Variants in OTUD7A observed in about 807,000 individuals in gnomAD.
OTUD7A encodes the protein OTU deubiquitinase 7A.
In OTUD7A, 12 loss-of-function variants were observed where a neutral mutation model predicts 65.7. The observed-to-expected ratio is 0.18, with a 90% CI of 0.12 to 0.30. The LOEUF is 0.30. OTUD7A is among the 10% of genes least tolerant of loss of function. OTUD7A has a pLI of 1.00. For missense variants in OTUD7A, 1,148 were observed against 1,304.8 expected, an observed-to-expected ratio of 0.88 and a Z score of 1.85; for synonymous variants, 641 against 586.3, an observed-to-expected ratio of 1.09 and a Z score of -1.35.
At chr15:31,691,409 A>G (rs1892959976) in intron 1 of OTUD7A, among the ~76,000 whole-genome samples, 1 of 152,192 alleles carries the variant, frequency 6.6e-6, no homozygotes, top group South Asian at 2.1e-4. Context: ...ATGGAACAGA[A>G]CAGAGAACCC....
At position 31,737,785 on chromosome 15, in the gene OTUD7A, G is replaced by A. The variant is rs113633943; in HGVS notation, c.-99-80708C>T. ...CATACGGGACTATCACACAGCATTCGAGAAAGAAATTAGACTGGATTTGCT... is the reference window on the plus strand; with the variant it reads ...CATACGGGACTATCACACAGCATTCAAGAAAGAAATTAGACTGGATTTGCT... On this transcript the variant is annotated intron_variant, in intron 1 of 12. Transcript: ENST00000307050. Among the ~76,000 whole-genome samples, 24 of 152,294 alleles carry A rather than the reference G, an allele frequency of 1.6e-4. No individual in the cohort carries two copies. In the East Asian group the frequency reaches 2.3e-3, roughly 15 times the overall value.
chr15:31,503,658 C>T (rs2141084241), intron 9 of OTUD7A, 33 bp downstream of exon 9: 1 of 1,613,666 alleles, frequency 6.2e-7, no homozygotes. Flanking sequence ...CTTTCTGTGT[C>T]ATGAATACAA....
At chr15:31,700,171 G>A (rs1012766367) in intron 1 of OTUD7A, among the ~76,000 whole-genome samples, 38 of 151,052 alleles carry the variant, frequency 2.5e-4, no homozygotes, top group African/African-American at 8.7e-4. Context: ...ATCTCCCCAT[G>A]ACTTCAGTTT....
At chr15:31,734,447 G>C (rs1417502162) in intron 1 of OTUD7A, among the ~76,000 whole-genome samples, 1 of 152,162 alleles carries the variant, frequency 6.6e-6, no homozygotes, top group African/African-American at 2.4e-5. Context: ...GAATAGCCAA[G>C]ATAATCATAA....
chr15:31,732,161 T>G (rs952721955), intron 1 of OTUD7A, among the ~76,000 whole-genome samples: 4 of 152,242 alleles, frequency 2.6e-5, no homozygotes, highest in Non-Finnish European at 4.4e-5. Flanking sequence ...TTCCTACAAC[T>G]ATTTTTCTTT....
intron 1 of OTUD7A, among the ~76,000 whole-genome samples, chr15:31,834,219 T>C (rs1482961217): frequency 6.6e-6 from 1 of 152,148 alleles, no homozygotes; most frequent in Admixed American, 6.6e-5. Flanking sequence ...AAAGAATACA[T>C]TCATAGCAAC....
intron 1 of OTUD7A, among the ~76,000 whole-genome samples, chr15:31,803,246 C>T (rs1049555349): frequency 1.3e-5 from 2 of 152,184 alleles, no homozygotes; most frequent in Non-Finnish European, 2.9e-5. Flanking sequence ...GACACATTGC[C>T]TGCTGCCCAG....
chr15:31,798,119 A>G (rs1896020610), intron 1 of OTUD7A, among the ~76,000 whole-genome samples: 1 of 152,142 alleles, frequency 6.6e-6, no homozygotes, highest in Admixed American at 6.5e-5. Context: ...TCATTTAAAC[A>G]TGATTACCTC....
In OTUD7A at chr15:31,839,953, C is replaced by CTTT. The variant is rs5811667; in HGVS notation, c.-100+30551_-100+30553dup. ...AGTTGTATTATTTACTTTAAAAAAA[C>CTTT]TTTTTTTTGTTTATGTTATTTTGTC... On this transcript the variant is annotated intron_variant, in intron 1 of 12. Coordinates refer to ENST00000307050, the MANE Select transcript of OTUD7A (RefSeq NM_001382637.1). Among the ~76,000 whole-genome samples, 50 of 151,930 alleles carry CTTT rather than the reference C, an allele frequency of 3.3e-4. No individual in the cohort carries two copies. The East Asian group carries it at 4.1e-3, about 12-fold the overall frequency.
chr15:31,777,742 C>T (rs771783680), intron 1 of OTUD7A, among the ~76,000 whole-genome samples: 9 of 152,148 alleles, frequency 5.9e-5, no homozygotes, highest in African/African-American at 9.7e-5. Flanking sequence ...TAGGTGGGTG[C>T]GTGGGTTCTG....
At chr15:31,643,809 G>A (rs1294703238) in intron 3 of OTUD7A, among the ~76,000 whole-genome samples, 1 of 152,194 alleles carries the variant, frequency 6.6e-6, no homozygotes, top group Non-Finnish European at 1.5e-5. Context: ...TTTGAGAGAG[G>A]AGGTAAAAAG....
chr15:31,571,669 C>T (rs2141173674), intron 3 of OTUD7A, among the ~76,000 whole-genome samples: 1 of 152,312 alleles, frequency 6.6e-6, no homozygotes, highest in Middle Eastern at 3.4e-3. Context: ...AGCACTAATA[C>T]ATGGTAGTTA....
intron 1 of OTUD7A, among the ~76,000 whole-genome samples, chr15:31,699,389 T>C (rs1893161704): frequency 6.6e-6 from 1 of 152,164 alleles, no homozygotes; most frequent in African/African-American, 2.4e-5. Context: ...AATACTGTTG[T>C]TTTTACCCTT....
chr15:31,495,195 G>A (rs1473445112), intron 10 of OTUD7A, among the ~76,000 whole-genome samples: 4 of 152,164 alleles, frequency 2.6e-5, no homozygotes, highest in Non-Finnish European at 5.9e-5. Context: ...AGTTCTTTCC[G>A]TGGAGTTAAC....
chr15:31,725,819 G>A (rs766650475), intron 1 of OTUD7A, among the ~76,000 whole-genome samples: 1 of 152,092 alleles, frequency 6.6e-6, no homozygotes, highest in Non-Finnish European at 1.5e-5. Context: ...TGATGGCAGC[G>A]CTCCATCAGC....
intron 1 of OTUD7A, chr15:31,766,918 G>GAAT: frequency 1.2e-6 from 2 of 1,610,448 alleles, no homozygotes; most frequent in South Asian, 2.2e-5. Flanking sequence ...TCCTTCCAAA[G>GAAT]AATAGCACCT....
At chr15:31,759,916 C>G (rs1425066906) in intron 1 of OTUD7A, among the ~76,000 whole-genome samples, 2 of 152,180 alleles carry the variant, frequency 1.3e-5, no homozygotes, top group Non-Finnish European at 2.9e-5. Flanking sequence ...CAAACCTGAA[C>G]ATCACTGGAA....
At chr15:31,629,242 C>T (rs1194436566) in intron 3 of OTUD7A, among the ~76,000 whole-genome samples, 1 of 152,116 alleles carries the variant, frequency 6.6e-6, no homozygotes, top group East Asian at 1.9e-4. Flanking sequence ...TCATAGATAG[C>T]TCTTAATATT....
intron 3 of OTUD7A, among the ~76,000 whole-genome samples, chr15:31,622,232 A>C (rs1279187058): frequency 6.6e-6 from 1 of 152,088 alleles, no homozygotes; most frequent in African/African-American, 2.4e-5. Flanking sequence ...GAATCTGACA[A>C]TTATGTGTCT....
Sources: allele counts gnomAD v4.1 joint callset (sites outside exome capture counted in the v4.1 genomes callset), GRCh38; gene constraint gnomAD v4.1.1; transcripts MANE v1.5; gene names NCBI Gene and HGNC (gene_info 2026-07-23, HGNC 2026-07-21).